Variants in NUP93 observed in about 807,000 individuals in gnomAD.
NUP93 encodes nuclear pore complex protein Nup93.
NUP93 carries 55 observed loss-of-function variants against 107.8 expected under a neutral mutation model. The ratio of observed to expected loss-of-function variants is 0.51; its 90% CI spans 0.41 to 0.64. The LOEUF is 0.64. Among genes scored for constraint, NUP93 ranks in the 30% least tolerant of loss-of-function variants. The pLI, the probability that NUP93 is intolerant of heterozygous loss-of-function variation, is 0.00. For missense variants in NUP93, 937 were observed against 1,044.7 expected (o/e 0.90, Z 1.42); for synonymous variants, 390 against 397.5 (o/e 0.98, Z 0.22).
intron 3 of NUP93, among the ~76,000 whole-genome samples, chr16:56,768,348 G>A (rs565692257): frequency 6.6e-6 from 1 of 152,202 alleles, no homozygotes; most frequent in South Asian, 2.1e-4. Flanking sequence ...TGGATCACCT[G>A]AGGTCGGGAG....
At chr16:56,818,338 T>G (rs933502879) in intron 5 of NUP93, among the ~76,000 whole-genome samples, 1 of 152,156 alleles carries the variant, frequency 6.6e-6, no homozygotes, top group African/African-American at 2.4e-5. Flanking sequence ...GAAGGGAGGA[T>G]GAGGTAGAGA....
rs80043325 is a variant in NUP93, at chr16:56,770,908, A to T, written c.297+12253A>T. ...GAAACCCCATCTCTACTGAAAAATT[A>T]AAAAAAAAAAGAAAAAAACACGTGA... On this transcript the variant is annotated intron_variant, in intron 3 of 21. Transcript: ENST00000308159. Among the ~76,000 whole-genome samples, 709 of 91,072 alleles carry T rather than the reference A, an allele frequency of 7.8e-3. 6 individuals carry two copies. The highest frequency in any genetic ancestry group is 0.022 in the African/African-American group (628 of 29,016). 59.7% of individuals were successfully genotyped at this position (91,072 alleles called of 152,430 possible).
chr16:56,792,402 A>G (rs1962786996), intron 3 of NUP93, among the ~76,000 whole-genome samples: 2 of 152,162 alleles, frequency 1.3e-5, no homozygotes, highest in Admixed American at 1.3e-4. Context: ...GAGAGATAGC[A>G]TGGAGCGTGG....
intron 3 of NUP93, among the ~76,000 whole-genome samples, chr16:56,798,050 G>T (rs755271770): frequency 2.0e-5 from 3 of 152,232 alleles, no homozygotes; most frequent in Non-Finnish European, 4.4e-5. Flanking sequence ...ACATAGACAA[G>T]TGGGCAATGA....
At chr16:56,826,707 T>TA in intron 8 of NUP93, among the ~76,000 whole-genome samples, 1 of 152,216 alleles carries the variant, frequency 6.6e-6, no homozygotes, top group African/African-American at 2.4e-5. Flanking sequence ...TGTATTTCTT[T>TA]TTTCCCCCCG....
intron 3 of NUP93, among the ~76,000 whole-genome samples, chr16:56,783,192 T>C (rs1313319124): frequency 2.0e-5 from 3 of 152,246 alleles, no homozygotes; most frequent in African/African-American, 7.2e-5. Context: ...TGTATTTGTA[T>C]TGTGGGACCT....
intron 3 of NUP93, among the ~76,000 whole-genome samples, chr16:56,759,078 C>G (rs1027418248): frequency 6.6e-6 from 1 of 152,178 alleles, no homozygotes; most frequent in African/African-American, 2.4e-5. Context: ...ACTTAGAGTA[C>G]TATTTACTGA....
chr16:56,816,868 C>T (rs766295887), intron 5 of NUP93, among the ~76,000 whole-genome samples: 10 of 152,158 alleles, frequency 6.6e-5, no homozygotes, highest in Non-Finnish European at 8.8e-5. Flanking sequence ...TGCTACCCAT[C>T]GTCCCTTTTC....
At chr16:56,746,365 A>G (rs1201607151) in intron 1 of NUP93, among the ~76,000 whole-genome samples, 1 of 152,164 alleles carries the variant, frequency 6.6e-6, no homozygotes, top group African/African-American at 2.4e-5. Flanking sequence ...CCCTGAGGAT[A>G]CCTTCCTAAT....
intron 2 of NUP93, among the ~76,000 whole-genome samples, chr16:56,750,959 G>C (rs1377505954): frequency 6.6e-6 from 1 of 152,098 alleles, no homozygotes; most frequent in African/African-American, 2.4e-5. Flanking sequence ...AGGAGTTCAA[G>C]ACCAGCCTGG....
chr16:56,788,707 T>C (rs1455342558), intron 3 of NUP93, among the ~76,000 whole-genome samples: 1 of 152,218 alleles, frequency 6.6e-6, no homozygotes, highest in Non-Finnish European at 1.5e-5. Flanking sequence ...ATCATAGGAA[T>C]GCCCTTAACC....
At chr16:56,777,717 A>G (rs190808926) in intron 3 of NUP93, among the ~76,000 whole-genome samples, 5 of 152,344 alleles carry the variant, frequency 3.3e-5, no homozygotes, top group East Asian at 1.9e-4. Context: ...GAGGAAGCCA[A>G]CTTTGGGAAT....
rs1371641439 is a variant in NUP93 at position 56,823,630 on chromosome 16, AG to A, written c.655-75del. ...CCCCACCACATTCTGCCCCCTTTGGAGGTCAGAGTGCCACAAAGAACTAGAT... is the reference window on the plus strand; with the variant it reads ...CCCCACCACATTCTGCCCCCTTTGGAGTCAGAGTGCCACAAAGAACTAGAT... On this transcript the variant is annotated intron_variant, in intron 7 of 21. Coordinates refer to ENST00000308159, the MANE Select transcript of NUP93 (RefSeq NM_014669.5). 7.3e-6 allele frequency: 11 copies of A among 1,516,302 alleles called. No homozygotes were observed. The Admixed American group carries it at 1.9e-4, about 26-fold the overall frequency. 93.9% of individuals were successfully genotyped at this position (1,516,302 alleles called of 1,614,324 possible). A position where few individuals can be genotyped will look rare whatever the true frequency, so the allele number is the denominator to read the frequency against.
rs1487425355 is a variant in NUP93 at position 56,849,942 on chromosome 16, C to T, written c.*5333C>T. ...GGCCCCAGTTGACCTCAGTGGCTGT[C>T]ATCTACTGTGTTTTTCAACCAGGAA... is the stretch of plus-strand genomic sequence containing the variant. On this transcript the variant is annotated 3_prime_UTR_variant, in exon 22 of 22. Coordinates refer to ENST00000308159, the MANE Select transcript of NUP93 (RefSeq NM_014669.5). 1 of 152,150 alleles carries T rather than the reference C, an allele frequency of 6.6e-6. No individual in the cohort carries two copies. Among genetic ancestry groups the T allele is most frequent in the Non-Finnish European group, 1.5e-5 (1 of 68,044 alleles). 9.4% of individuals were successfully genotyped at this position (152,150 alleles called of 1,614,324 possible).
intron 5 of NUP93, among the ~76,000 whole-genome samples, chr16:56,811,344 A>G (rs1170824227): frequency 6.6e-6 from 1 of 152,168 alleles, no homozygotes; most frequent in African/African-American, 2.4e-5. Context: ...GGCCTTTTCC[A>G]TATAATTTCC....
chr16:56,754,286 G>A (rs1389480098), intron 2 of NUP93, among the ~76,000 whole-genome samples: 2 of 152,166 alleles, frequency 1.3e-5, no homozygotes, highest in Non-Finnish European at 2.9e-5. Flanking sequence ...TGAGATTTGG[G>A]TGGGGACACA....
rs1244190547 is a variant in NUP93, at chr16:56,731,401, C to CT, written c.-15+1203dup. 7.4e-3 allele frequency among the ~76,000 whole-genome samples: 1,071 copies of CT among 144,498 alleles called. 8 individuals are homozygous for CT. The highest frequency in any genetic ancestry group is 0.02 in the African/African-American group (776 of 39,624). The allele number at this position is 144,498 out of a possible 152,430, so 94.8% of individuals were successfully genotyped here. On this transcript the variant is annotated intron_variant, in intron 1 of 21. Coordinates refer to ENST00000308159, the MANE Select transcript of NUP93 (RefSeq NM_014669.5). ...GCTGTCTTTCTTTTTCTTTTCTTTC[C>CT]TTTTTTTTTTTTTCTTTTGAGACAG...
Position 56,848,603 on chromosome 16 carries a change from T to C in NUP93, c.*3994T>C, listed in dbSNP as rs935584893. On this transcript the variant is annotated 3_prime_UTR_variant, in exon 22 of 22. Transcript: ENST00000308159. The stretch of plus-strand genomic sequence containing the variant: ...CAGGGACAGGAAGGAAATAAATCTT[T>C]CTGCCACTTGTTTCCAACCGAAAAG... The C allele has an allele frequency of 1.3e-5, 2 of 152,238 alleles. No homozygotes were observed. The highest frequency in any genetic ancestry group is 1.3e-4 in the Admixed American group (2 of 15,286). 9.4% of individuals were successfully genotyped at this position (152,238 alleles called of 1,614,324 possible). A position where few individuals can be genotyped will look rare whatever the true frequency, so the allele number is the denominator to read the frequency against.
chr16:56,785,355 G>A (rs1430357891), intron 3 of NUP93, among the ~76,000 whole-genome samples: 1 of 151,994 alleles, frequency 6.6e-6, no homozygotes. Context: ...GTTTCTTCCT[G>A]CTTTCTTTGC....
Sources: allele counts gnomAD v4.1 joint callset (sites outside exome capture counted in the v4.1 genomes callset), GRCh38; gene constraint gnomAD v4.1.1; transcripts MANE v1.5; gene names NCBI Gene and HGNC (gene_info 2026-07-23, HGNC 2026-07-21).